ADAM12: variants seen among roughly 807,000 people sequenced by gnomAD.
ADAM12 encodes ADAM metallopeptidase domain 12, also known as disintegrin and metalloproteinase domain-containing protein 12.
ADAM12 carries 70 observed loss-of-function variants against 106.4 expected under a neutral mutation model. That is an observed-to-expected ratio of 0.66 (90% CI 0.54 to 0.80). ADAM12 has a LOEUF of 0.80. Ranked by LOEUF, ADAM12 falls within the 30% of genes least tolerant of loss-of-function variation. The pLI is 0.00. For synonymous variants in ADAM12, 420 were observed against 433.5 expected (o/e 0.97, Z 0.39); for missense variants, 1,010 against 1,171.9 (o/e 0.86, Z 2.02).
At chr10:126,220,285 A>G (rs183549117) in intron 3 of ADAM12, among the ~76,000 whole-genome samples, 95 of 152,346 alleles carry the variant, frequency 6.2e-4, no homozygotes, top group African/African-American at 2.2e-3. Context: ...GCCGAGCACC[A>G]CACAGCACTT....
At position 126,181,851 on chromosome 10, in the gene ADAM12, G is replaced by A. The variant is rs113433628; in HGVS notation, c.261-26546C>T. Among the ~76,000 whole-genome samples, 1,275 of 152,258 alleles carry A rather than the reference G, an allele frequency of 8.4e-3. 24 individuals are homozygous for A. The highest frequency in any genetic ancestry group is 0.029 in the African/African-American group (1,190 of 41,532). On this transcript the variant is annotated intron_variant, in intron 3 of 22. Coordinates refer to ENST00000448723, the MANE Select transcript of ADAM12 (RefSeq NM_001288973.2). ...AGTCCTTCTGGACCGACCAATAGCC[G>A]CAGGAGCCCCTCCTGGTGTGGAGGG...
intron 3 of ADAM12, among the ~76,000 whole-genome samples, chr10:126,206,354 C>T (rs1254702839): frequency 2.0e-5 from 3 of 152,174 alleles, no homozygotes; most frequent in Non-Finnish European, 4.4e-5. Flanking sequence ...AAAGTATACT[C>T]AGGTGGGACA....
Position 126,101,107 on chromosome 10 carries a change from T to C in ADAM12, c.876A>G (p.Leu292=), listed in dbSNP as rs767506205. ...EFLDWRKMKL[L]PRKSHDNAQL... ...GCGCATTGTCATGGGATTTGCGAGG[T>C]AGAAGCTTCATCTTCCTCCAGTCCA... The change falls in exon 9 of 23, where the codon CTA becomes CTG. Residue 292 remains leucine (L), a synonymous_variant. Coordinates refer to ENST00000448723, the MANE Select transcript of ADAM12 (RefSeq NM_001288973.2). 3 of 1,613,894 alleles carry C rather than the reference T, an allele frequency of 1.9e-6. No homozygotes were observed. Among genetic ancestry groups the C allele is most frequent in the Non-Finnish European group, 2.5e-6 (3 of 1,179,900 alleles).
At chr10:126,119,582 T>A (rs2133625175) in intron 5 of ADAM12, among the ~76,000 whole-genome samples, 1 of 152,304 alleles carries the variant, frequency 6.6e-6, no homozygotes, top group South Asian at 2.1e-4. Context: ...ATTAAAAATA[T>A]AAATACATTT....
intron 2 of ADAM12, among the ~76,000 whole-genome samples, chr10:126,327,874 T>C (rs1466446325): frequency 6.6e-6 from 1 of 152,198 alleles, no homozygotes; most frequent in Non-Finnish European, 1.5e-5. Flanking sequence ...AGTTCACACA[T>C]GGGAGGAGCC....
At chr10:126,030,463 G>A (rs898861977) in intron 21 of ADAM12, among the ~76,000 whole-genome samples, 10 of 152,172 alleles carry the variant, frequency 6.6e-5, no homozygotes, top group African/African-American at 2.2e-4. Flanking sequence ...ACTGTTTTCC[G>A]AATGACCCTT....
At chr10:126,148,813 C>A (rs1250602812) in intron 4 of ADAM12, among the ~76,000 whole-genome samples, 2 of 151,954 alleles carry the variant, frequency 1.3e-5, no homozygotes, top group Non-Finnish European at 2.9e-5. Context: ...AGGCTTCCTG[C>A]AATTTCCAAC....
rs1315965009 is a variant in ADAM12, at chr10:126,101,236, G to A, written c.747C>T (p.Tyr249=). 6.2e-7 allele frequency: 1 copy of A among 1,612,800 alleles called. No individual in the cohort carries two copies. The highest frequency in any genetic ancestry group is 1.1e-5 in the South Asian group (1 of 90,696). Residue 249 remains tyrosine, a synonymous_variant, in exon 9 of 23, where the codon TAC becomes TAT. Coordinates refer to ENST00000448723, the MANE Select transcript of ADAM12 (RefSeq NM_001288973.2). The part of the protein sequence containing the change: ...IEIANHVDKF[Y]RPLNIRIVLV... ...ACACGATCCGAATGTTCAGTGGTCT[G>A]TAAAACTGGGCAAAACAGGCAAAAC...
chr10:126,036,535 C>A lies in ADAM12; in HGVS notation c.2350-210G>T, dbSNP rs112136017. Among the ~76,000 whole-genome samples, 194 of 152,158 alleles carry A rather than the reference C, an allele frequency of 1.3e-3. 2 individuals are homozygous for A. Among genetic ancestry groups the A allele is most frequent in the African/African-American group, 4.5e-3 (187 of 41,510 alleles). On this transcript the variant is annotated intron_variant, in intron 20 of 22. Transcript: ENST00000448723. ...AGAAGCATCACCTGCCTCCACCCCA[C>A]CAAATCTGGAATAGAAGGATCGATT...
chr10:126,367,969 A>C (rs986520334), intron 1 of ADAM12, among the ~76,000 whole-genome samples: 3 of 151,962 alleles, frequency 2.0e-5, no homozygotes, highest in African/African-American at 7.2e-5. Flanking sequence ...ATAATATAAT[A>C]AGAAAAATAG....
At chr10:126,346,188 T>G (rs1436643177) in intron 1 of ADAM12, among the ~76,000 whole-genome samples, 1 of 152,214 alleles carries the variant, frequency 6.6e-6, no homozygotes, top group East Asian at 1.9e-4. Flanking sequence ...TACACACTGC[T>G]TTGAATGTGT....
At chr10:126,168,397 A>G (rs1957062462) in intron 3 of ADAM12, among the ~76,000 whole-genome samples, 3 of 152,198 alleles carry the variant, frequency 2.0e-5, no homozygotes, top group Non-Finnish European at 2.9e-5. Flanking sequence ...GAGTTTCCTC[A>G]TATAAAATGA....
chr10:126,328,730 G>A (rs1022705314), intron 2 of ADAM12, among the ~76,000 whole-genome samples: 1 of 152,180 alleles, frequency 6.6e-6, no homozygotes. Context: ...TCACTAACCT[G>A]GAATTCTTTA....
intron 1 of ADAM12, among the ~76,000 whole-genome samples, chr10:126,377,455 T>C (rs1048865906): frequency 2.0e-5 from 3 of 151,878 alleles, no homozygotes; most frequent in Non-Finnish European, 4.4e-5. Flanking sequence ...GTCAGTCTAG[T>C]CTTTTCACAT....
At chr10:126,319,667 T>C (rs922540215) in intron 2 of ADAM12, among the ~76,000 whole-genome samples, 2 of 152,118 alleles carry the variant, frequency 1.3e-5, no homozygotes, top group Admixed American at 1.3e-4. Flanking sequence ...GAACATTGAG[T>C]CAAAGCTAAG....
Position 126,224,027 on chromosome 10 carries a change from C to A in ADAM12, c.260+54888G>T, listed in dbSNP as rs546300734. 1.3e-3 allele frequency among the ~76,000 whole-genome samples: 199 copies of A among 152,324 alleles called. 1 individual carries two copies. The highest frequency in any genetic ancestry group is 4.6e-3 in the African/African-American group (191 of 41,576). ...GGATTTGAACCCGGCACTGTCCTCT[C>A]AGAGTGGAACTCATGACCCCCACCA... On this transcript the variant is annotated intron_variant, in intron 3 of 22. Coordinates refer to ENST00000448723, the MANE Select transcript of ADAM12 (RefSeq NM_001288973.2).
At position 126,196,430 on chromosome 10, in the gene ADAM12, C is replaced by T. The variant is rs144645770; in HGVS notation, c.261-41125G>A. Among the ~76,000 whole-genome samples the T allele has an allele frequency of 2.1e-4, 32 of 152,294 alleles. No homozygotes were observed. In the East Asian group the frequency reaches 4.1e-3, roughly 19 times the overall value. ...TTCCCTCATCAATCAGCTGCATAAA[C>T]CTTTGACAGATGCTCACTATAGGTT... is the stretch of plus-strand genomic sequence containing the variant. On this transcript the variant is annotated intron_variant, in intron 3 of 22. Coordinates refer to ENST00000448723, the MANE Select transcript of ADAM12 (RefSeq NM_001288973.2).
chr10:126,036,309 A>C lies in ADAM12; in HGVS notation c.2366T>G (p.Leu789Trp), dbSNP rs1452790606. Reference sequence around the variant, plus strand: ...GATGTCAACATTCTGACACTGCAGCAATCTCCTGGGATTGTCCTGTACAGT... The same window carrying C: ...GATGTCAACATTCTGACACTGCAGCCATCTCCTGGGATTGTCCTGTACAGT... ...SYPPKDNPRR[L>W]LQCQNVDISR... The change falls in exon 21 of 23, where the codon TTG (leucine) becomes TGG (tryptophan). Residue 789 changes from leucine (L) to tryptophan (W), a missense_variant. By Grantham distance (61) the Leu-to-Trp change is moderately conservative (BLOSUM62 -2). Around this residue, in one of 3 missense-constraint regions of ADAM12, gnomAD observed 615 missense variants for 708.5 expected, o/e 0.87. Transcript: ENST00000448723. The C allele has an allele frequency of 1.3e-6, 2 of 1,566,592 alleles. No homozygotes were observed. The highest frequency in any genetic ancestry group is 1.7e-4 in the Middle Eastern group (1 of 5,940).
intron 4 of ADAM12, among the ~76,000 whole-genome samples, chr10:126,151,240 A>G (rs950460271): frequency 8.9e-4 from 135 of 152,302 alleles, no homozygotes; most frequent in African/African-American, 3.1e-3. Context: ...TTAAAAATCT[A>G]TTATATGCAA....
Sources: gnomAD v4.1 joint callset for allele counts (sites outside exome capture counted in the v4.1 genomes callset) on GRCh38, gnomAD v4.1.1 for gene constraint, gnomAD v4.1.1 regional missense constraint, MANE v1.5 for transcripts, NCBI Gene and HGNC (gene_info 2026-07-23, HGNC 2026-07-21) for gene names.